Variants in RSRC1 observed in about 807,000 individuals in gnomAD.
RSRC1 encodes the protein arginine and serine rich coiled-coil 1.
A neutral mutation model predicts 49.1 loss-of-function variants in RSRC1; 39 were observed. That is an observed-to-expected ratio of 0.79 (90% CI 0.61 to 1.04). RSRC1 has a LOEUF of 1.04. Ranked by LOEUF, RSRC1 falls within the 50% of genes least tolerant of loss-of-function variation. The pLI, the probability that RSRC1 is intolerant of heterozygous loss-of-function variation, is 0.00. For missense variants in RSRC1, 388 were observed against 402.4 expected (o/e 0.96, Z 0.31); for synonymous variants, 143 against 130.8 (o/e 1.09, Z -0.63).
At chr3:158,420,558 C>T (rs776003842) in intron 6 of RSRC1, among the ~76,000 whole-genome samples, 1 of 151,862 alleles carries the variant, frequency 6.6e-6, no homozygotes, top group Non-Finnish European at 1.5e-5. Flanking sequence ...CAGATTTTCT[C>T]ATCTGTAAAA....
At chr3:158,278,357 C>T (rs573172536) in intron 4 of RSRC1, among the ~76,000 whole-genome samples, 2 of 152,228 alleles carry the variant, frequency 1.3e-5, no homozygotes, top group Admixed American at 6.5e-5. Flanking sequence ...CCTCTTTCCG[C>T]TCTCTGTTGT....
intron 3 of RSRC1, among the ~76,000 whole-genome samples, chr3:158,150,209 A>C (rs1717435770): frequency 6.6e-6 from 1 of 152,210 alleles, no homozygotes; most frequent in African/African-American, 2.4e-5. Context: ...AAAGGCTGAA[A>C]GTTTTTAATT....
chr3:158,162,437 T>C (rs968446487), intron 3 of RSRC1, among the ~76,000 whole-genome samples: 2 of 152,186 alleles, frequency 1.3e-5, no homozygotes, highest in African/African-American at 4.8e-5. Context: ...GTATCTGTAA[T>C]GATAAAGAAT....
chr3:158,453,332 A>G (rs1325802186), intron 6 of RSRC1, among the ~76,000 whole-genome samples: 2 of 150,418 alleles, frequency 1.3e-5, no homozygotes, highest in Admixed American at 6.6e-5. Context: ...TGCAGGGTAT[A>G]TGTATTTTCA....
At chr3:158,479,222 A>G (rs1205341701) in intron 7 of RSRC1, among the ~76,000 whole-genome samples, 2 of 149,378 alleles carry the variant, frequency 1.3e-5, no homozygotes, top group Non-Finnish European at 3.0e-5. Flanking sequence ...TTTTAAATAT[A>G]GTATTATTTT....
At chr3:158,231,177 T>G (rs1722930405) in intron 4 of RSRC1, among the ~76,000 whole-genome samples, 1 of 128,062 alleles carries the variant, frequency 7.8e-6, no homozygotes, top group South Asian at 2.9e-4. Flanking sequence ...CAGTCTTCAC[T>G]CTGTCACCCA....
intron 5 of RSRC1, among the ~76,000 whole-genome samples, chr3:158,300,988 G>A (rs1190308967): frequency 2.7e-5 from 4 of 150,624 alleles, no homozygotes; most frequent in African/African-American, 9.8e-5. Context: ...AGTGGGATAG[G>A]TGGACTCTTC....
intron 4 of RSRC1, among the ~76,000 whole-genome samples, chr3:158,282,600 A>T (rs541570479): frequency 3.6e-4 from 55 of 152,350 alleles, no homozygotes; most frequent in African/African-American, 1.3e-3. Context: ...ATTTGCAAAG[A>T]TCTTAGCGCT....
chr3:158,119,832 CTTT>C (rs35646318), intron 1 of RSRC1, among the ~76,000 whole-genome samples: 5 of 129,070 alleles, frequency 3.9e-5, no homozygotes, highest in African/African-American at 2.9e-5. Context: ...ATTTCATAGT[CTTT>C]TTTTTTTTTT....
At chr3:158,498,061 T>A (rs984207626) in intron 7 of RSRC1, among the ~76,000 whole-genome samples, 2 of 152,182 alleles carry the variant, frequency 1.3e-5, no homozygotes, top group Non-Finnish European at 2.9e-5. Flanking sequence ...TATAATGACT[T>A]CTTTTCCTTT....
intron 4 of RSRC1, among the ~76,000 whole-genome samples, chr3:158,274,018 TA>T (rs1172453489): frequency 6.6e-6 from 1 of 152,176 alleles, no homozygotes; most frequent in Non-Finnish European, 1.5e-5. Flanking sequence ...TAAAATAACT[TA>T]AAACTGAAAC....
intron 6 of RSRC1, among the ~76,000 whole-genome samples, chr3:158,365,731 C>T (rs1012927471): frequency 6.6e-6 from 1 of 152,174 alleles, no homozygotes; most frequent in South Asian, 2.1e-4. Context: ...ACACTATCAT[C>T]CACAATGGTT....
Position 158,182,407 on chromosome 3 carries a change from G to A in RSRC1, c.321-20665G>A, listed in dbSNP as rs144678615. 1.8e-4 allele frequency among the ~76,000 whole-genome samples: 27 copies of A among 152,208 alleles called. No individual in the cohort carries two copies. The East Asian group carries it at 3.1e-3, about 17-fold the overall frequency. On this transcript the variant is annotated intron_variant, in intron 3 of 9. Transcript: ENST00000611884. ...GAAACTCCCTAATTGGCTTATGAGT[G>A]GGCCCCAGATTATAAATTTTACTTT...
At chr3:158,258,650 T>G (rs545845050) in intron 4 of RSRC1, among the ~76,000 whole-genome samples, 17 of 152,304 alleles carry the variant, frequency 1.1e-4, no homozygotes, top group Middle Eastern at 3.4e-3. Flanking sequence ...TGTCTCTTTC[T>G]CTACCTCCTC....
At chr3:158,473,999 A>G (rs1338885559) in intron 7 of RSRC1, among the ~76,000 whole-genome samples, 1 of 152,150 alleles carries the variant, frequency 6.6e-6, no homozygotes, top group African/African-American at 2.4e-5. Flanking sequence ...TTTGTATGAT[A>G]TGTTGTATGT....
Position 158,110,198 on chromosome 3 carries a change from G to A in RSRC1, c.-28G>A, listed in dbSNP as rs549467347. On this transcript the variant is annotated 5_prime_UTR_variant, in exon 1 of 10. It adds an upstream start codon to the 5' untranslated region. Transcript: ENST00000611884. ...TGCGGCGCTTGCACGTCAACGGGAGGTGTGAGCCCAAAGGTCTGGACCCAG... is the reference window on the plus strand; with the variant it reads ...TGCGGCGCTTGCACGTCAACGGGAGATGTGAGCCCAAAGGTCTGGACCCAG... 1 of 152,326 alleles carries A rather than the reference G, an allele frequency of 6.6e-6. No individual in the cohort carries two copies. Among genetic ancestry groups the A allele is most frequent in the Non-Finnish European group, 1.5e-5 (1 of 68,104 alleles). 9.4% of individuals were successfully genotyped at this position (152,326 alleles called of 1,614,324 possible). A position where few individuals can be genotyped will look rare whatever the true frequency, so the allele number is the denominator to read the frequency against.
chr3:158,422,590 C>G (rs903460297), intron 6 of RSRC1, among the ~76,000 whole-genome samples: 5 of 150,856 alleles, frequency 3.3e-5, no homozygotes, highest in African/African-American at 1.2e-4. Flanking sequence ...GGTATATACC[C>G]AGTAATGGGA....
chr3:158,514,410 C>A (rs1392596280), intron 7 of RSRC1, among the ~76,000 whole-genome samples: 2 of 152,124 alleles, frequency 1.3e-5, no homozygotes, highest in African/African-American at 4.8e-5. Context: ...GTTCAGTTTC[C>A]ATGTAGTTGA....
intron 7 of RSRC1, among the ~76,000 whole-genome samples, chr3:158,518,116 G>GCATATATATATATA (rs1283989660): frequency 7.5e-5 from 6 of 80,394 alleles, no homozygotes; most frequent in African/African-American, 3.4e-4. Context: ...GTGTGTGTGT[G>GCATATATATATATA]TGTGTGTGTG....
Sources: gnomAD v4.1 joint callset for allele counts (sites outside exome capture counted in the v4.1 genomes callset) on GRCh38, gnomAD v4.1.1 for gene constraint, MANE v1.5 for transcripts, NCBI Gene and HGNC (gene_info 2026-07-23, HGNC 2026-07-21) for gene names.